EIF4E3: variants seen among roughly 807,000 people sequenced by gnomAD.
EIF4E3 encodes eukaryotic translation initiation factor 4E family member 3.
A neutral mutation model predicts 31.7 loss-of-function variants in EIF4E3; 26 were observed. The ratio of observed to expected loss-of-function variants is 0.82; its 90% CI spans 0.60 to 1.14. The LOEUF (loss-of-function observed/expected upper bound fraction) is 1.14, where lower values mean the gene tolerates loss of function less well. Ranked by LOEUF, EIF4E3 falls within the 50% of genes most tolerant of loss-of-function variation. EIF4E3 has a pLI of 0.00. For missense variants in EIF4E3, 304 were observed against 270.9 expected, an observed-to-expected ratio of 1.12 and a Z score of -0.86; for synonymous variants, 128 against 107.7, an observed-to-expected ratio of 1.19 and a Z score of -1.17.
At chr3:71,717,591 C>T (rs2049484734) in intron 1 of EIF4E3, among the ~76,000 whole-genome samples, 1 of 152,136 alleles carries the variant, frequency 6.6e-6, no homozygotes, top group Admixed American at 6.5e-5. Flanking sequence ...AGCCAGATAA[C>T]CTCTTAAGTC....
intron 1 of EIF4E3, among the ~76,000 whole-genome samples, chr3:71,710,856 G>A (rs907327019): frequency 6.6e-6 from 1 of 152,146 alleles, no homozygotes; most frequent in Non-Finnish European, 1.5e-5. Context: ...AGACGACAAC[G>A]AAAATGCAGT....
intron 1 of EIF4E3, among the ~76,000 whole-genome samples, chr3:71,717,933 A>C (rs936002371): frequency 2.9e-4 from 44 of 152,264 alleles, no homozygotes; most frequent in African/African-American, 1.0e-3. Flanking sequence ...AAGATGTCTG[A>C]AACAGTATGT....
intron 1 of EIF4E3, among the ~76,000 whole-genome samples, chr3:71,721,158 T>G (rs1331319046): frequency 1.3e-5 from 2 of 152,216 alleles, no homozygotes; most frequent in African/African-American, 2.4e-5. Context: ...GATGGAGACT[T>G]GCAAATGATT....
At chr3:71,703,694 A>G (rs913172791) in intron 2 of EIF4E3, among the ~76,000 whole-genome samples, 2 of 152,154 alleles carry the variant, frequency 1.3e-5, no homozygotes, top group African/African-American at 4.8e-5. Flanking sequence ...GTTCTGAAGA[A>G]AAAGAATGCA....
chr3:71,710,595 C>G, intron 1 of EIF4E3, 111 bp from the exon 2 acceptor site: 1 of 992,264 alleles, frequency 1.0e-6, no homozygotes, highest in Non-Finnish European at 1.5e-6. Context: ...TCTCAAACCA[C>G]AGGACTGGAC....
At chr3:71,706,493 G>GT (rs1201942246) in intron 2 of EIF4E3, among the ~76,000 whole-genome samples, 6 of 152,042 alleles carry the variant, frequency 3.9e-5, no homozygotes, top group African/African-American at 1.4e-4. Flanking sequence ...TGGAGAAGCA[G>GT]TTTTTTTTAG....
chr3:71,749,208 T>C (rs1328130494), intron 1 of EIF4E3, among the ~76,000 whole-genome samples: 2 of 152,216 alleles, frequency 1.3e-5, no homozygotes, highest in Admixed American at 1.3e-4. Flanking sequence ...GCAAGAGACT[T>C]GCCCAATGAG....
At position 71,690,138 on chromosome 3, in the gene EIF4E3, C is replaced by T; in HGVS notation, c.500G>A (p.Ser167Asn). The change falls in exon 6 of 7, where the codon AGT (serine) becomes AAT (asparagine). Residue 167 changes from serine (S) to asparagine (N), a missense_variant. Ser to Asn is a conservative substitution (Grantham distance 46). Transcript: ENST00000425534. ...GACGACGTCTTCTCGGTCCCGAACACTGACACTAACTCCTATTACTTCATC... is the reference window on the plus strand; with the variant it reads ...GACGACGTCTTCTCGGTCCCGAACATTGACACTAACTCCTATTACTTCATC... ...ADDEVIGVSV[S>N]VRDREDVVQV... The T allele has an allele frequency of 6.2e-7, 1 of 1,612,736 alleles. No homozygotes were observed. Among genetic ancestry groups the T allele is most frequent in the Non-Finnish European group, 8.5e-7 (1 of 1,179,536 alleles).
intron 5 of EIF4E3, among the ~76,000 whole-genome samples, chr3:71,690,714 G>C (rs2049052708): frequency 6.6e-6 from 1 of 152,150 alleles, no homozygotes; most frequent in Non-Finnish European, 1.5e-5. Context: ...CGGTTTACTT[G>C]TCTGCTCCTT....
Position 71,679,881 on chromosome 3 carries a change from G to A in EIF4E3, c.*4801C>T, listed in dbSNP as rs1215290030. ...CGTTCATTTAATCTTGTTCAATGAT[G>A]CTGAACCCCAGATGCCATAAGACAT... is the stretch of plus-strand genomic sequence containing the variant. On this transcript the variant is annotated 3_prime_UTR_variant, in exon 7 of 7. Transcript: ENST00000425534. 1.3e-5 allele frequency: 2 copies of A among 152,142 alleles called. No individual in the cohort carries two copies. The highest frequency in any genetic ancestry group is 4.8e-5 in the African/African-American group (2 of 41,430). 9.4% of individuals were successfully genotyped at this position (152,142 alleles called of 1,614,324 possible). A position where few individuals can be genotyped will look rare whatever the true frequency, so the allele number is the denominator to read the frequency against.
Position 71,699,082 on chromosome 3 carries a change from T to C in EIF4E3, c.344+532A>G, listed in dbSNP as rs533907270. The stretch of plus-strand genomic sequence containing the variant: ...CCAAAAATAAAAAATAAAAAATTAG[T>C]TGGGGGTGGTGGCACACACCTGTAG... On this transcript the variant is annotated intron_variant, in intron 3 of 6. Transcript: ENST00000425534. 3.2e-3 allele frequency among the ~76,000 whole-genome samples: 486 copies of C among 151,740 alleles called. 5 individuals carry two copies. Among genetic ancestry groups the C allele is most frequent in the African/African-American group, 0.011 (468 of 41,376 alleles).
At chr3:71,674,061 C>T (rs1283661933), downstream of EIF4E3, among the ~76,000 whole-genome samples, 1 of 125,396 alleles carries the variant, frequency 8.0e-6, no homozygotes, top group Non-Finnish European at 1.6e-5. Flanking sequence ...AGAATTTGTT[C>T]AGCCTCTAAA....
At chr3:71,753,671 A>AGCGGCGGCGGCG (rs1207098847), upstream of EIF4E3, 1 of 138,476 alleles carries the variant, frequency 7.2e-6, no homozygotes, top group African/African-American at 2.9e-5. Flanking sequence ...CGGCGGCGGC[A>AGCGGCGGCGGCG]GCGGCGGCAG....
upstream of EIF4E3, among the ~76,000 whole-genome samples, chr3:71,727,357 G>A (rs900432107): frequency 2.0e-5 from 3 of 152,162 alleles, no homozygotes; most frequent in African/African-American, 7.2e-5. Context: ...TACCAATGCT[G>A]TACCTTCTTA....
intron 1 of EIF4E3, among the ~76,000 whole-genome samples, chr3:71,743,667 G>A (rs2049843050): frequency 6.6e-6 from 1 of 151,986 alleles, no homozygotes; most frequent in Admixed American, 6.6e-5. Flanking sequence ...AAAACAACTA[G>A]AAAAAGAAGA....
downstream of EIF4E3, among the ~76,000 whole-genome samples, chr3:71,672,562 G>T (rs2048852723): frequency 6.6e-6 from 1 of 152,100 alleles, no homozygotes; most frequent in African/African-American, 2.4e-5. Flanking sequence ...TGACTTTCAG[G>T]CCTTGGGGAG....
At position 71,693,632 on chromosome 3, in the gene EIF4E3, A is replaced by T. The variant is rs77446709; in HGVS notation, c.472+243T>A. On this transcript the variant is annotated intron_variant, in intron 5 of 6. Coordinates refer to ENST00000425534, the MANE Select transcript of EIF4E3 (RefSeq NM_001134651.2). ...AAATTAAGCTAAGAGGGAAAAATAT[A>T]CATGAATATATACATACATATATAA... 4.5e-3 allele frequency among the ~76,000 whole-genome samples: 691 copies of T among 152,358 alleles called. 2 individuals carry two copies. Among genetic ancestry groups the T allele is most frequent in the African/African-American group, 0.016 (673 of 41,576 alleles).
intron 6 of EIF4E3, 67 bp from the exon 7 acceptor site, chr3:71,684,795 C>A: frequency 6.5e-7 from 1 of 1,542,756 alleles, no homozygotes; most frequent in Non-Finnish European, 8.8e-7. Flanking sequence ...GATGGGCCAA[C>A]CCTCCTCTAG....
chr3:71,681,179 C>T lies in EIF4E3; in HGVS notation c.*3503G>A, dbSNP rs913658812. On this transcript the variant is annotated 3_prime_UTR_variant, in exon 7 of 7. Coordinates refer to ENST00000425534, the MANE Select transcript of EIF4E3 (RefSeq NM_001134651.2). ...TATTAGGTGCATGAAAACTAAATGT[C>T]TTATTGCCAAGTATCATTTTTACAT... 1 of 152,172 alleles carries T rather than the reference C, an allele frequency of 6.6e-6. No homozygotes were observed. The highest frequency in any genetic ancestry group is 6.5e-5 in the Admixed American group (1 of 15,274). The allele number at this position is 152,172 out of a possible 1,614,324, so 9.4% of individuals were successfully genotyped here.
Sources: gnomAD v4.1 joint callset for allele counts (sites outside exome capture counted in the v4.1 genomes callset) on GRCh38, gnomAD v4.1.1 for gene constraint, MANE v1.5 for transcripts, NCBI Gene and HGNC (gene_info 2026-07-23, HGNC 2026-07-21) for gene names.